Variants in UNC13C observed in about 807,000 individuals in gnomAD.
UNC13C encodes unc-13 homolog C.
Under a neutral mutation model 245.4 loss-of-function variants are expected in UNC13C, and 174 were observed. The observed-to-expected ratio is 0.71, with a 90% CI of 0.63 to 0.80. UNC13C has a LOEUF of 0.80. UNC13C is among the 30% of genes least tolerant of loss of function. The probability of loss-of-function intolerance (pLI) is 0.00; values close to 1 mark genes in which losing one functional copy is unlikely to be tolerated. For synonymous variants in UNC13C, 992 were observed against 895.1 expected, an observed-to-expected ratio of 1.11 and a Z score of -1.93; for missense variants, 2,829 against 2,602.9, an observed-to-expected ratio of 1.09 and a Z score of -1.89.
intron 2 of UNC13C, among the ~76,000 whole-genome samples, chr15:54,043,415 C>A (rs910691613): frequency 2.0e-5 from 3 of 152,166 alleles, no homozygotes; most frequent in Non-Finnish European, 4.4e-5. Flanking sequence ...GTCAAAGTTT[C>A]CCAGTTCTCT....
chr15:54,176,757 G>A lies in UNC13C; in HGVS notation c.3071+33073G>A, dbSNP rs182052971. 1.7e-3 allele frequency among the ~76,000 whole-genome samples: 257 copies of A among 152,142 alleles called. 1 individual carries two copies. The highest frequency in any genetic ancestry group is 4.8e-3 in the South Asian group (23 of 4,816). ...ATTTGACATGGGTTTAATATTTGAA[G>A]ACTAAGATATTAAAATCTAATGTTA... On this transcript the variant is annotated intron_variant, in intron 4 of 32. Coordinates refer to ENST00000260323, the MANE Select transcript of UNC13C (RefSeq NM_001080534.3).
the UNC13C span, among the ~76,000 whole-genome samples, chr15:53,841,214 A>G: frequency 2.6e-5 from 4 of 152,132 alleles, no homozygotes; most frequent in Non-Finnish European, 5.9e-5. Context: ...ATTAAAACAT[A>G]TCAAGAGACT....
chr15:54,014,300 C>T lies in UNC13C; in HGVS notation c.1397C>T (p.Ala466Val), dbSNP rs1216871467. ...LESDLNRNSY[A>V]VLSKSELLTK... is the part of the protein sequence containing the mutation. ...TCTGACCTCAATAGAAACAGTTACG[C>T]TGTGCTTTCCAAGTCAGAGCTTCTA... The change falls in exon 2 of 33, where the codon GCT becomes GTT. Residue 466 changes from alanine to valine, a missense_variant. Physicochemically the swap from Ala to Val is moderately conservative, Grantham distance 64. Transcript: ENST00000260323. The T allele has an allele frequency of 1.9e-6, 3 of 1,613,918 alleles. No homozygotes were observed. Among genetic ancestry groups the T allele is most frequent in the South Asian group, 2.2e-5 (2 of 91,080 alleles).
intron 18 of UNC13C, among the ~76,000 whole-genome samples, chr15:54,407,044 A>G (rs2040308852): frequency 1.3e-5 from 2 of 152,196 alleles, no homozygotes; most frequent in Admixed American, 1.3e-4. Flanking sequence ...AGTTGGGGCC[A>G]GATGGTCAGA....
At chr15:54,598,565 G>T (rs1596646389) in intron 30 of UNC13C, among the ~76,000 whole-genome samples, 1 of 152,200 alleles carries the variant, frequency 6.6e-6, no homozygotes, top group East Asian at 1.9e-4. Flanking sequence ...CCTGAAGGAA[G>T]CAGCACTGGC....
chr15:54,073,979 C>T (rs923432868), intron 2 of UNC13C, among the ~76,000 whole-genome samples: 2 of 151,916 alleles, frequency 1.3e-5, no homozygotes, highest in African/African-American at 2.4e-5. Context: ...ATGGTATTGC[C>T]TAGGTTTTCT....
chr15:54,184,365 C>A (rs12102266), intron 4 of UNC13C, among the ~76,000 whole-genome samples: 1 of 151,918 alleles, frequency 6.6e-6, no homozygotes, highest in East Asian at 1.9e-4. Context: ...GTGCTGCACC[C>A]ATTAACTCGT....
At chr15:54,551,776 A>T (rs1896744104) in intron 28 of UNC13C, among the ~76,000 whole-genome samples, 1 of 151,958 alleles carries the variant, frequency 6.6e-6, no homozygotes, top group South Asian at 2.1e-4. Context: ...TTTTATTTTT[A>T]AATTATCAGT....
chr15:54,411,791 C>T (rs1418040326), intron 18 of UNC13C, among the ~76,000 whole-genome samples: 5 of 151,998 alleles, frequency 3.3e-5, no homozygotes, highest in Non-Finnish European at 7.4e-5. Flanking sequence ...TTTTACTTTG[C>T]TATGTCAATT....
At chr15:54,335,057 T>TA (rs1018479467) in intron 16 of UNC13C, among the ~76,000 whole-genome samples, 3 of 152,148 alleles carry the variant, frequency 2.0e-5, no homozygotes, top group African/African-American at 7.2e-5. Context: ...CCCCAGTAGG[T>TA]ACTTCCTTGT....
At chr15:54,314,158 TTG>T (rs2037949932) in intron 13 of UNC13C, among the ~76,000 whole-genome samples, 1 of 151,278 alleles carries the variant, frequency 6.6e-6, no homozygotes, top group African/African-American at 2.4e-5. Flanking sequence ...AGGAGGCGGA[TTG>T]TGGAGCTATT....
chr15:54,227,601 C>T (rs970150351), intron 4 of UNC13C, among the ~76,000 whole-genome samples: 2 of 152,164 alleles, frequency 1.3e-5, no homozygotes, highest in Non-Finnish European at 2.9e-5. Flanking sequence ...ACACACCAGC[C>T]AAGTCATGAC....
At position 54,235,104 on chromosome 15, in the gene UNC13C, A is replaced by G. The variant is rs370638278; in HGVS notation, c.3146A>G (p.Asp1049Gly). The change falls in exon 5 of 33, where the codon GAT becomes GGT. Residue 1049 changes from aspartate to glycine, a missense_variant. Asp to Gly is a moderately conservative substitution (Grantham distance 94). Transcript: ENST00000260323. ...RRKKTLPIVR[D>G]VAMTLAARKS... is the part of the protein sequence containing the mutation. ...AAAAAAACTTTGCCTATTGTCCGAGATGTGGTAAGTTACAACTGTTTAATT... is the reference window on the plus strand; with the variant it reads ...AAAAAAACTTTGCCTATTGTCCGAGGTGTGGTAAGTTACAACTGTTTAATT... 1 of 1,613,746 alleles carries G rather than the reference A, an allele frequency of 6.2e-7. No individual in the cohort carries two copies. Among genetic ancestry groups the G allele is most frequent in the Non-Finnish European group, 8.5e-7 (1 of 1,179,748 alleles).
At chr15:54,132,093 GTC>G (rs2031467192) in intron 2 of UNC13C, among the ~76,000 whole-genome samples, 1 of 3,446 alleles carries the variant, frequency 2.9e-4, no homozygotes. Flanking sequence ...TTTTGACAGC[GTC>G]TTGCTCTGTC....
intron 26 of UNC13C, among the ~76,000 whole-genome samples, chr15:54,542,026 G>A (rs1006574822): frequency 2.6e-5 from 4 of 152,084 alleles, no homozygotes; most frequent in Middle Eastern, 3.4e-3. Flanking sequence ...AGAATGGTCT[G>A]CCTTCTGCTG....
chr15:54,286,566 C>T (rs573525003), intron 10 of UNC13C, among the ~76,000 whole-genome samples: 2 of 152,242 alleles, frequency 1.3e-5, no homozygotes, highest in African/African-American at 2.4e-5. Flanking sequence ...GTAGAGCGAT[C>T]CATCTCATGA....
intron 19 of UNC13C, among the ~76,000 whole-genome samples, chr15:54,458,673 T>C (rs1891665222): frequency 7.3e-6 from 1 of 137,616 alleles, no homozygotes; most frequent in Non-Finnish European, 1.6e-5. Context: ...TATTGTTCCT[T>C]TAAGGTCTTT....
intron 12 of UNC13C, among the ~76,000 whole-genome samples, chr15:54,298,634 GCA>G (rs1233180372): frequency 6.6e-6 from 1 of 152,126 alleles, no homozygotes; most frequent in Non-Finnish European, 1.5e-5. Flanking sequence ...TCAATCAAAA[GCA>G]CAGTTTCACC....
intron 29 of UNC13C, among the ~76,000 whole-genome samples, chr15:54,557,817 T>C (rs1467571354): frequency 2.0e-5 from 3 of 152,076 alleles, no homozygotes; most frequent in Admixed American, 2.0e-4. Context: ...ATTTCTCTTA[T>C]GTACGTGCAT....
Sources: allele counts gnomAD v4.1 joint callset (sites outside exome capture counted in the v4.1 genomes callset), GRCh38; gene constraint gnomAD v4.1.1; transcripts MANE v1.5; gene names NCBI Gene and HGNC (gene_info 2026-07-23, HGNC 2026-07-21).